CDH13: variants seen among roughly 807,000 people sequenced by gnomAD.
The protein encoded by CDH13 is cadherin-13.
Under a neutral mutation model 63.8 loss-of-function variants are expected in CDH13, and 24 were observed. That is an observed-to-expected ratio of 0.38 (90% CI 0.27 to 0.53). The LOEUF is 0.53. Ranked by LOEUF, CDH13 falls within the 20% of genes least tolerant of loss-of-function variation. The pLI is 0.85. For missense variants in CDH13, 1,049 were observed against 903.1 expected, an observed-to-expected ratio of 1.16 and a Z score of -2.07; for synonymous variants, 503 against 355.3, an observed-to-expected ratio of 1.42 and a Z score of -4.67.
At position 83,760,125 on chromosome 16, in the gene CDH13, A is replaced by G. The variant is rs566151629; in HGVS notation, c.1681+11875A>G. 3.0e-3 allele frequency among the ~76,000 whole-genome samples: 453 copies of G among 152,290 alleles called. 4 individuals carry two copies. The highest frequency in any genetic ancestry group is 0.01 in the Middle Eastern group (3 of 294). ...ATTAAATTATACAAATATAAATTAA[A>G]ACACAAATTAATCAAGGAAATACAA... On this transcript the variant is annotated intron_variant, in intron 11 of 13. Coordinates refer to ENST00000567109, the MANE Select transcript of CDH13 (RefSeq NM_001257.5).
At chr16:83,589,831 A>C (rs1187412137) in intron 7 of CDH13, among the ~76,000 whole-genome samples, 2 of 152,136 alleles carry the variant, frequency 1.3e-5, no homozygotes, top group Non-Finnish European at 2.9e-5. Context: ...GACTCTGGGA[A>C]GACAAACCTT....
At chr16:83,134,544 G>GGGGAGAGAGA (rs2036192984) in intron 4 of CDH13, among the ~76,000 whole-genome samples, 1 of 84,334 alleles carries the variant, frequency 1.2e-5, no homozygotes, top group Non-Finnish European at 2.2e-5. Context: ...TGGGGTGGGG[G>GGGGAGAGAGA]GAGAGAGAGA....
At chr16:82,934,332 C>A (rs1420988751) in intron 2 of CDH13, among the ~76,000 whole-genome samples, 4 of 152,220 alleles carry the variant, frequency 2.6e-5, no homozygotes, top group African/African-American at 9.6e-5. Flanking sequence ...ACCTTGGCCC[C>A]TTTTATCCAT....
intron 1 of CDH13, among the ~76,000 whole-genome samples, chr16:82,801,326 T>A (rs2036844039): frequency 6.6e-6 from 1 of 152,232 alleles, no homozygotes. Context: ...TGAAGATCTA[T>A]CTAACCTCCT....
intron 6 of CDH13, among the ~76,000 whole-genome samples, chr16:83,476,488 C>A (rs1484415866): frequency 6.6e-6 from 1 of 152,186 alleles, no homozygotes; most frequent in Non-Finnish European, 1.5e-5. Flanking sequence ...GCCTGGCCAA[C>A]ATGGTAAAAC....
chr16:83,528,081 C>A (rs564604186), intron 7 of CDH13, among the ~76,000 whole-genome samples: 2 of 152,322 alleles, frequency 1.3e-5, no homozygotes, highest in Non-Finnish European at 2.9e-5. Context: ...TACACACAGG[C>A]ATACCTACTT....
intron 4 of CDH13, among the ~76,000 whole-genome samples, chr16:83,164,005 A>C (rs1308366262): frequency 6.6e-6 from 1 of 152,082 alleles, no homozygotes; most frequent in Non-Finnish European, 1.5e-5. Flanking sequence ...AACATTATCT[A>C]ATTTAATAAT....
At chr16:83,589,392 C>G (rs374042040) in intron 7 of CDH13, among the ~76,000 whole-genome samples, 102 of 147,282 alleles carry the variant, frequency 6.9e-4, no homozygotes, top group African/African-American at 2.6e-3. Context: ...ACCATCTTCT[C>G]TGCTTCCATC....
At chr16:82,740,872 A>C (rs2033895864) in intron 1 of CDH13, among the ~76,000 whole-genome samples, 1 of 152,184 alleles carries the variant, frequency 6.6e-6, no homozygotes, top group African/African-American at 2.4e-5. Context: ...GAGTAGTGAA[A>C]AATTGGGAAA....
chr16:82,682,904 C>T (rs1043871285), intron 1 of CDH13, among the ~76,000 whole-genome samples: 7 of 152,154 alleles, frequency 4.6e-5, no homozygotes, highest in Non-Finnish European at 8.8e-5. Context: ...AGAAAACACA[C>T]AGCCATTGCC....
intron 2 of CDH13, among the ~76,000 whole-genome samples, chr16:83,015,565 A>G (rs1224997935): frequency 6.6e-6 from 1 of 150,398 alleles, no homozygotes; most frequent in Non-Finnish European, 1.5e-5. Flanking sequence ...TTAGCATTTA[A>G]CTGTTTTCAG....
chr16:83,041,980 T>A (rs1333077671), intron 3 of CDH13, among the ~76,000 whole-genome samples: 1 of 152,210 alleles, frequency 6.6e-6, no homozygotes, highest in Non-Finnish European at 1.5e-5. Flanking sequence ...TCTTTCCTGA[T>A]CTCACACGTT....
At chr16:83,421,067 G>C (rs923423) in intron 6 of CDH13, among the ~76,000 whole-genome samples, 1,686 of 152,294 alleles carry the variant, frequency 0.011, 32 homozygotes, top group African/African-American at 0.039. Context: ...AGCTGTGTAA[G>C]TGGATAAGAT....
At chr16:83,549,990 G>A (rs1414600458) in intron 7 of CDH13, among the ~76,000 whole-genome samples, 5 of 152,142 alleles carry the variant, frequency 3.3e-5, no homozygotes, top group Non-Finnish European at 5.9e-5. Flanking sequence ...AAGGAGACAG[G>A]GTTTGCCAAA....
intron 10 of CDH13, among the ~76,000 whole-genome samples, chr16:83,727,633 G>T (rs1003130905): frequency 6.6e-6 from 1 of 152,026 alleles, no homozygotes; most frequent in Admixed American, 6.6e-5. Flanking sequence ...TTTATAAGCC[G>T]AGAATGTTAG....
At chr16:82,885,648 C>T (rs1453166407) in intron 2 of CDH13, among the ~76,000 whole-genome samples, 2 of 152,078 alleles carry the variant, frequency 1.3e-5, no homozygotes, top group East Asian at 3.8e-4. Flanking sequence ...TCTATCCATC[C>T]ATTCATCCTG....
chr16:83,423,811 A>G (rs1412746043), intron 6 of CDH13, among the ~76,000 whole-genome samples: 3 of 152,244 alleles, frequency 2.0e-5, no homozygotes, highest in African/African-American at 7.2e-5. Flanking sequence ...GCCCTTGAGC[A>G]TTCCTGCCAA....
chr16:83,142,827 G>A (rs997674464), intron 4 of CDH13, among the ~76,000 whole-genome samples: 2 of 152,210 alleles, frequency 1.3e-5, no homozygotes, highest in African/African-American at 4.8e-5. Flanking sequence ...AAGGGGCCGG[G>A]CGCAGTGGCT....
At chr16:82,627,333 C>CGTGTGTGTGTGT in intron 1 of CDH13, among the ~76,000 whole-genome samples, 196 bp downstream of exon 1, 2 of 67,410 alleles carry the variant, frequency 3.0e-5, no homozygotes, top group East Asian at 3.0e-4. Context: ...CCCACTCTGG[C>CGTGTGTGTGTGT]GTGCGTGTGT....
Sources: gnomAD v4.1 joint callset for allele counts (sites outside exome capture counted in the v4.1 genomes callset) on GRCh38, gnomAD v4.1.1 for gene constraint, MANE v1.5 for transcripts, NCBI Gene and HGNC (gene_info 2026-07-23, HGNC 2026-07-21) for gene names.